The following DYNC2H1 variants were observed in gnomAD, a reference collection of about 807,000 sequenced individuals.
DYNC2H1 encodes the protein cytoplasmic dynein 2 heavy chain 1.
Under a neutral mutation model 570.0 loss-of-function variants are expected in DYNC2H1, and 410 were observed. The ratio of observed to expected loss-of-function variants is 0.72; its 90% CI spans 0.66 to 0.78. The LOEUF (loss-of-function observed/expected upper bound fraction) is 0.78. Ranked by LOEUF, DYNC2H1 falls within the 30% of genes least tolerant of loss-of-function variation. The pLI is 0.00. For missense variants in DYNC2H1, 4,865 were observed against 5,046.4 expected (o/e 0.96, Z 1.09); for synonymous variants, 1,688 against 1,677.6 (o/e 1.01, Z -0.15).
chr11:103,287,525 A>C lies in DYNC2H1; in HGVS notation c.11023-8A>C, dbSNP rs763822387. The C allele has an allele frequency of 6.3e-7, 1 of 1,598,208 alleles. No homozygotes were observed. Among genetic ancestry groups the C allele is most frequent in the Non-Finnish European group, 8.5e-7 (1 of 1,173,332 alleles). On this transcript the variant is annotated splice_region_variant and splice_polypyrimidine_tract_variant and intron_variant, in intron 74 of 88. Coordinates refer to ENST00000375735, the MANE Select transcript of DYNC2H1 (RefSeq NM_001377.3). The stretch of plus-strand genomic sequence containing the variant: ...ATTCTTTAAAAATATTCTGCATTTT[A>C]TTTTAAGATTCTTGTAGTACAGGCG...
At chr11:103,413,588 A>G (rs1010259195) in intron 84 of DYNC2H1, among the ~76,000 whole-genome samples, 8 of 152,118 alleles carry the variant, frequency 5.3e-5, no homozygotes, top group African/African-American at 1.9e-4. Context: ...ATTTTGCTAG[A>G]TCAAGCAGCT....
intron 1 of DYNC2H1, among the ~76,000 whole-genome samples, chr11:103,112,169 A>G (rs1858147111): frequency 6.6e-6 from 1 of 152,134 alleles, no homozygotes; most frequent in African/African-American, 2.4e-5. Flanking sequence ...GTTCTAAGCA[A>G]AAGAAACTGT....
Position 103,391,131 on chromosome 11 carries a change from C to T in DYNC2H1, c.12157-8532C>T, listed in dbSNP as rs184274111. ...CCATTCTTCCCATCAGTTTCAGGTA[C>T]GCCAATCAGACGTAGATTTGGTCTT... is the stretch of plus-strand genomic sequence containing the variant. On this transcript the variant is annotated intron_variant, in intron 83 of 88. Coordinates refer to ENST00000375735, the MANE Select transcript of DYNC2H1 (RefSeq NM_001377.3). Among the ~76,000 whole-genome samples, 71 of 152,298 alleles carry T rather than the reference C, an allele frequency of 4.7e-4. 1 individual carries two copies. The highest frequency in any genetic ancestry group is 3.4e-3 in the Middle Eastern group (1 of 294).
chr11:103,452,916 AAAATCATTTATGTTATAATAAT>A (rs1944660013), intron 85 of DYNC2H1, among the ~76,000 whole-genome samples: 1 of 152,056 alleles, frequency 6.6e-6, no homozygotes, highest in Non-Finnish European at 1.5e-5. Context: ...ATCACTTTTG[AAAATCATTTATGTTATAATAAT>A]GGAGGTAAAC....
intron 17 of DYNC2H1, among the ~76,000 whole-genome samples, chr11:103,137,698 T>G (rs1859650699): frequency 6.6e-6 from 1 of 152,136 alleles, no homozygotes; most frequent in Non-Finnish European, 1.5e-5. Context: ...TAGGATTGAC[T>G]TGGCAATGTG....
Position 103,249,463 on chromosome 11 carries a change from A to T in DYNC2H1, c.10043-3822A>T, listed in dbSNP as rs1260543210. On this transcript the variant is annotated intron_variant, in intron 65 of 88. Coordinates refer to ENST00000375735, the MANE Select transcript of DYNC2H1 (RefSeq NM_001377.3). This position sits in a 1 kb window ranked among gnomAD's most constrained non-coding sequence, Gnocchi z 4.6. ...CCTGTATAAACACCCAGATCAAGACATAAGAGCTTTATTAGCACTCCAGAA... is the reference window on the plus strand; with the variant it reads ...CCTGTATAAACACCCAGATCAAGACTTAAGAGCTTTATTAGCACTCCAGAA... Among the ~76,000 whole-genome samples the T allele has an allele frequency of 6.6e-6, 1 of 152,052 alleles. No homozygotes were observed. Among genetic ancestry groups the T allele is most frequent in the African/African-American group, 2.4e-5 (1 of 41,444 alleles).
intron 63 of DYNC2H1, among the ~76,000 whole-genome samples, chr11:103,238,257 A>C (rs1591456088): frequency 6.6e-6 from 1 of 152,200 alleles, no homozygotes; most frequent in East Asian, 1.9e-4. Context: ...TGATTCAGAG[A>C]TATAATCTCC....
chr11:103,282,853 ATT>A (rs1383644770), intron 72 of DYNC2H1, among the ~76,000 whole-genome samples, 153 bp from the exon 73 acceptor site: 2 of 152,110 alleles, frequency 1.3e-5, no homozygotes, highest in African/African-American at 4.8e-5. Context: ...GTTACATAGA[ATT>A]TTACCATGGT....
rs2135644852 is a variant in DYNC2H1, at chr11:103,399,711, G to A, written c.12205G>A (p.Gly4069Arg). 1 of 1,613,588 alleles carries A rather than the reference G, an allele frequency of 6.2e-7. No individual in the cohort carries two copies. The highest frequency in any genetic ancestry group is 8.5e-7 in the Non-Finnish European group (1 of 1,179,738). Residue 4069 changes from glycine (G) to arginine (R), a missense_variant, in exon 84 of 89, where the codon GGA becomes AGA. Gly to Arg is a moderately radical substitution (Grantham distance 125). This residue lies in a region of DYNC2H1 where 2,401 missense variants were observed against 2,454.6 expected (regional missense o/e 0.98). Transcript: ENST00000375735. The stretch of plus-strand genomic sequence containing the variant: ...AGTGCCTCCTCCTAACGATCGACAA[G>A]GATCTCCAATACTGTCATTCATCAT... ...QKVPPPNDRQ[G>R]SPILSFIILE...
Position 103,133,495 on chromosome 11 carries a change from T to C in DYNC2H1, c.1954-60T>C. On this transcript the variant is annotated intron_variant, in intron 13 of 88. Transcript: ENST00000375735. This position sits in a 1 kb window ranked among gnomAD's most constrained non-coding sequence, Gnocchi z 4.8. ...ATAGTTGAACTTTTGATATAGAATA[T>C]TGAAACTTTTGGAAAAAAGAAATAC... 1 of 1,492,454 alleles carries C rather than the reference T, an allele frequency of 6.7e-7. No homozygotes were observed. The highest frequency in any genetic ancestry group is 1.4e-5 in the African/African-American group (1 of 69,356). The allele number at this position is 1,492,454 out of a possible 1,614,324, so 92.5% of individuals were successfully genotyped here. A position where few individuals can be genotyped will look rare whatever the true frequency, so the allele number is the denominator to read the frequency against.
Position 103,312,052 on chromosome 11 carries a change from TG to T in DYNC2H1, c.11649+20del, listed in dbSNP as rs1262004389. On this transcript the variant is annotated intron_variant, in intron 79 of 88. Coordinates refer to ENST00000375735, the MANE Select transcript of DYNC2H1 (RefSeq NM_001377.3). ...TCCTCAGGTAAGTAAGAACATGTCT[TG>T]AATACATTCTAAGCTTTATATTTTT... 3 of 1,596,314 alleles carry T rather than the reference TG, an allele frequency of 1.9e-6. No homozygotes were observed. The highest frequency in any genetic ancestry group is 2.6e-6 in the Non-Finnish European group (3 of 1,174,744).
rs931711825 is a variant in DYNC2H1, at chr11:103,446,677, T to G, written c.12457-8509T>G. Among the ~76,000 whole-genome samples the G allele has an allele frequency of 2.0e-5, 3 of 152,154 alleles. No homozygotes were observed. Among genetic ancestry groups the G allele is most frequent in the Non-Finnish European group, 4.4e-5 (3 of 68,022 alleles). ...CAAAGGAATTTTTTTGGTTTGGTTT[T>G]GTTTTTTAATATAGGGGATTTTTGA... On this transcript the variant is annotated intron_variant, in intron 85 of 88. Coordinates refer to ENST00000375735, the MANE Select transcript of DYNC2H1 (RefSeq NM_001377.3). The surrounding 1 kb of genome is among the most constrained non-coding windows in gnomAD (Gnocchi z 4.5).
Position 103,181,589 on chromosome 11 carries a change from G to A in DYNC2H1, c.6348-168G>A, listed in dbSNP as rs146739164. Among the ~76,000 whole-genome samples the A allele has an allele frequency of 8.6e-5, 13 of 151,786 alleles. No individual in the cohort carries two copies. In the East Asian group the frequency reaches 2.5e-3, roughly 29 times the overall value. On this transcript the variant is annotated intron_variant, in intron 39 of 88. Transcript: ENST00000375735. The surrounding 1 kb of genome is among the most constrained non-coding windows in gnomAD (Gnocchi z 5.0). The stretch of plus-strand genomic sequence containing the variant: ...TGTGTATGTATACACACACACAGAT[G>A]TAATTGTATTATTCACACATACTCA...
At chr11:103,166,823 G>A (rs1861325269) in intron 31 of DYNC2H1, among the ~76,000 whole-genome samples, 1 of 151,778 alleles carries the variant, frequency 6.6e-6, no homozygotes, top group Non-Finnish European at 1.5e-5. Context: ...CTTTGGGGTT[G>A]TCTCAGCTTC....
At chr11:103,231,438 A>G in intron 60 of DYNC2H1, 92 bp downstream of exon 60, 1 of 773,898 alleles carries the variant, frequency 1.3e-6, no homozygotes, top group South Asian at 2.2e-5. Context: ...TTTAAGATTT[A>G]GACTCTTATG....
At chr11:103,175,674 T>G (rs1861773453) in intron 36 of DYNC2H1, among the ~76,000 whole-genome samples, 1 of 152,190 alleles carries the variant, frequency 6.6e-6, no homozygotes, top group South Asian at 2.1e-4. Context: ...ACAAGGCTGA[T>G]CAAAGATTGT....
intron 71 of DYNC2H1, 57 bp from the exon 72 acceptor site, chr11:103,282,121 AT>A: frequency 1.3e-6 from 2 of 1,535,454 alleles, no homozygotes; most frequent in Non-Finnish European, 1.8e-6. Context: ...AAGTTAGACA[AT>A]TTTGTTAACT....
chr11:103,225,267 C>G (rs2915254), intron 59 of DYNC2H1, among the ~76,000 whole-genome samples: 115,060 of 152,068 alleles, frequency 0.76, 44,059 homozygotes, highest in Admixed American at 0.83. Context: ...TAAGTCCCGT[C>G]TGTTTATCTT....
chr11:103,115,335 A>G, intron 4 of DYNC2H1, 40 bp downstream of exon 4: 1 of 1,379,534 alleles, frequency 7.2e-7, no homozygotes, highest in South Asian at 1.4e-5. Context: ...GGCTTCTTAT[A>G]AAAGTACTTT....
Sources: gnomAD v4.1 joint callset for allele counts (sites outside exome capture counted in the v4.1 genomes callset) on GRCh38, gnomAD v4.1.1 for gene constraint, gnomAD v4.1.1 regional missense constraint, Gnocchi (gnomAD v3.1) non-coding constraint, MANE v1.5 for transcripts, NCBI Gene and HGNC (gene_info 2026-07-23, HGNC 2026-07-21) for gene names.